Variants in MUC13 observed in about 807,000 individuals in gnomAD.
MUC13 encodes mucin 13, cell surface associated.
Under a neutral mutation model 48.3 loss-of-function variants are expected in MUC13, and 32 were observed. The observed-to-expected ratio is 0.66, with a 90% CI of 0.50 to 0.89. The LOEUF is 0.89. MUC13 is among the 40% of genes least tolerant of loss of function. The pLI is 0.00. For missense variants in MUC13, 571 were observed against 622.8 expected, an observed-to-expected ratio of 0.92 and a Z score of 0.88; for synonymous variants, 199 against 224.9, an observed-to-expected ratio of 0.88 and a Z score of 1.03.
intron 1 of MUC13, among the ~76,000 whole-genome samples, chr3:124,932,572 A>G (rs1232309740): frequency 1.3e-5 from 2 of 152,128 alleles, no homozygotes; most frequent in African/African-American, 2.4e-5. Flanking sequence ...GTCTCAAAAA[A>G]AAAAAAAGAA....
At chr3:124,907,960 C>T (rs1935346226) in intron 11 of MUC13, among the ~76,000 whole-genome samples, 187 bp downstream of exon 11, 1 of 152,184 alleles carries the variant, frequency 6.6e-6, no homozygotes, top group South Asian at 2.1e-4. Flanking sequence ...TCTGTAGTCA[C>T]ATAGATGCTC....
intron 5 of MUC13, 197 bp downstream of exon 5, chr3:124,920,037 C>A: frequency 1.6e-6 from 1 of 631,176 alleles, no homozygotes; most frequent in Non-Finnish European, 2.8e-6. Flanking sequence ...AGGCCATGCC[C>A]TGCCCAGAGT....
chr3:124,907,646 A>ATG (rs1935338793), intron 11 of MUC13, among the ~76,000 whole-genome samples: 1 of 60,086 alleles, frequency 1.7e-5, no homozygotes, highest in African/African-American at 7.2e-5. Flanking sequence ...AATAGAACTT[A>ATG]TATATATATA....
Position 124,916,375 on chromosome 3 carries a change from C to T in MUC13, c.906G>A (p.Val302=), listed in dbSNP as rs1579364843. Residue 302 remains valine, a synonymous_variant, in exon 6 of 12, where the codon GTG becomes GTA. Transcript: ENST00000616727. ...AETTSDNEKT[V]TEKINKAIRS... is the part of the protein sequence containing the mutation. ...TAATTGCTTTATTAATTTTCTCAGT[C>T]ACAGTCTTCTCATTGTCACTTGTGG... 1 of 1,613,612 alleles carries T rather than the reference C, an allele frequency of 6.2e-7. No individual in the cohort carries two copies. Among genetic ancestry groups the T allele is most frequent in the Non-Finnish European group, 8.5e-7 (1 of 1,179,862 alleles).
Position 124,923,581 on chromosome 3 carries a change from T to C in MUC13, c.583A>G (p.Ser195Gly), listed in dbSNP as rs1199046662. 1 of 1,614,000 alleles carries C rather than the reference T, an allele frequency of 6.2e-7. No individual in the cohort carries two copies. Among genetic ancestry groups the C allele is most frequent in the Non-Finnish European group, 8.5e-7 (1 of 1,179,888 alleles). Residue 195 changes from serine to glycine, a missense_variant, in exon 3 of 12, where the codon AGT becomes GGT. Coordinates refer to ENST00000616727, the MANE Select transcript of MUC13 (RefSeq NM_033049.4). ...NSLCVKLHNT[S>G]FCLCLEGYYY... Reference sequence around the variant, plus strand: ...TACCCTTCTAAACACAGGCAAAAACTTGTATTATGCAGCTTAACACATAAC... The same window carrying C: ...TACCCTTCTAAACACAGGCAAAAACCTGTATTATGCAGCTTAACACATAAC...
At chr3:124,908,430 T>A in intron 10 of MUC13, 82 bp from the exon 11 acceptor site, 1 of 1,106,526 alleles carries the variant, frequency 9.0e-7, no homozygotes. Flanking sequence ...TTAAAAATAT[T>A]TTTAAATTCT....
At chr3:124,912,205 C>A in intron 8 of MUC13, 64 bp from the exon 9 acceptor site, 1 of 1,590,972 alleles carries the variant, frequency 6.3e-7, no homozygotes, top group Non-Finnish European at 8.6e-7. Flanking sequence ...TGTCAGAGTT[C>A]CCACCCCAAT....
intron 4 of MUC13, among the ~76,000 whole-genome samples, chr3:124,920,684 T>C (rs986018586): frequency 6.6e-6 from 1 of 152,196 alleles, no homozygotes; most frequent in African/African-American, 2.4e-5. Context: ...GGCCTGTAAC[T>C]GGAGGGGGCT....
At chr3:124,920,067 G>C in intron 5 of MUC13, 167 bp downstream of exon 5, 2 of 690,630 alleles carry the variant, frequency 2.9e-6, no homozygotes, top group Non-Finnish European at 5.0e-6. Flanking sequence ...ATCAGAGGCA[G>C]GGCCAAGGCA....
chr3:124,907,059 T>C (rs1935331092), intron 11 of MUC13, among the ~76,000 whole-genome samples: 1 of 152,210 alleles, frequency 6.6e-6, no homozygotes, highest in Non-Finnish European at 1.5e-5. Context: ...ACAGCTATGA[T>C]TATCCAATAC....
At chr3:124,922,075 C>G in intron 4 of MUC13, 122 bp downstream of exon 4, 2 of 1,177,680 alleles carry the variant, frequency 1.7e-6, no homozygotes, top group Non-Finnish European at 2.3e-6. Flanking sequence ...AGGTACATTT[C>G]ACTGTTTGAA....
At chr3:124,909,510 GTGTGTGTA>G (rs58184325) in intron 10 of MUC13, among the ~76,000 whole-genome samples, 1,957 of 151,676 alleles carry the variant, frequency 0.013, 78 homozygotes, top group East Asian at 0.13. Context: ...GTGTGTGTGT[GTGTGTGTA>G]TGTGAGACAG....
In MUC13 at chr3:124,929,170, C is replaced by CT. The variant is rs1238533365; in HGVS notation, c.53-1178dup. Among the ~76,000 whole-genome samples, 47 of 134,490 alleles carry CT rather than the reference C, an allele frequency of 3.5e-4. 6 individuals are homozygous for CT. Among genetic ancestry groups the CT allele is most frequent in the African/African-American group, 4.2e-4 (15 of 36,136 alleles). 88.2% of individuals were successfully genotyped at this position (134,490 alleles called of 152,430 possible). On this transcript the variant is annotated intron_variant, in intron 1 of 11. Transcript: ENST00000616727. ...CAGTGATCCATTTTCTTCCCCCACT[C>CT]TTTTATTTTATTTTTTTTTTTTAGA... is the stretch of plus-strand genomic sequence containing the variant.
At position 124,913,625 on chromosome 3, in the gene MUC13, C is replaced by T. The variant is rs1380386119; in HGVS notation, c.1021G>A (p.Gly341Ser). The T allele has an allele frequency of 1.2e-6, 2 of 1,614,072 alleles. No individual in the cohort carries two copies. Among genetic ancestry groups the T allele is most frequent in the East Asian group, 4.5e-5 (2 of 44,900 alleles). ...CNQTADDCLN[G>S]LACDCKSDLQ... is the part of the protein sequence containing the mutation. Reference sequence around the variant, plus strand: ...TCAGATTTGCAATCGCATGCTAAACCATTGAGGCAGTCATCCGCAGTCTGG... The same window carrying T: ...TCAGATTTGCAATCGCATGCTAAACTATTGAGGCAGTCATCCGCAGTCTGG... Residue 341 changes from glycine (G) to serine (S), a missense_variant, in exon 7 of 12, where the codon GGT becomes AGT. Coordinates refer to ENST00000616727, the MANE Select transcript of MUC13 (RefSeq NM_033049.4).
At chr3:124,918,495 G>A (rs1173309171) in intron 5 of MUC13, among the ~76,000 whole-genome samples, 1 of 152,204 alleles carries the variant, frequency 6.6e-6, no homozygotes, top group Non-Finnish European at 1.5e-5. Context: ...ATTCTAGAAA[G>A]GAAACAGATG....
At chr3:124,911,433 A>T (rs1935418019) in intron 9 of MUC13, among the ~76,000 whole-genome samples, 1 of 152,236 alleles carries the variant, frequency 6.6e-6, no homozygotes, top group South Asian at 2.1e-4. Flanking sequence ...AGACTTAGCA[A>T]ATTATTCCTT....
At position 124,923,596 on chromosome 3, in the gene MUC13, T is replaced by A; in HGVS notation, c.568A>T (p.Lys190Ter). Residue 190 changes from lysine (K) to a stop codon, truncating the protein, a stop_gained, in exon 3 of 12, where the codon AAG becomes TAG. Transcript: ENST00000616727. LOFTEE classifies it high-confidence loss of function. ...AGGCAAAAACTTGTATTATGCAGCT[T>A]AACACATAACGAATTATCTGCACAG... ...DPCADNSLCV[K>*]LHNTSFCLCL... is the part of the protein sequence containing the mutation. The A allele has an allele frequency of 1.2e-6, 2 of 1,613,972 alleles. No individual in the cohort carries two copies. Among genetic ancestry groups the A allele is most frequent in the Non-Finnish European group, 1.7e-6 (2 of 1,179,856 alleles).
At chr3:124,922,078 T>A in intron 4 of MUC13, 119 bp downstream of exon 4, 4 of 1,217,696 alleles carry the variant, frequency 3.3e-6, no homozygotes, top group Non-Finnish European at 4.5e-6. Flanking sequence ...TACATTTCAC[T>A]GTTTGAACAA....
chr3:124,918,546 A>G (rs942339553), intron 5 of MUC13, among the ~76,000 whole-genome samples: 11 of 152,190 alleles, frequency 7.2e-5, no homozygotes, highest in African/African-American at 2.7e-4. Context: ...CATACAGGGA[A>G]TCTTCCAAAT....
Sources: gnomAD v4.1 joint callset for allele counts (sites outside exome capture counted in the v4.1 genomes callset) on GRCh38, gnomAD v4.1.1 for gene constraint, MANE v1.5 for transcripts, NCBI Gene and HGNC (gene_info 2026-07-23, HGNC 2026-07-21) for gene names.